Variants in PID1 observed in about 807,000 individuals in gnomAD.
PID1 encodes phosphotyrosine interaction domain containing 1.
Under a neutral mutation model 19.1 loss-of-function variants are expected in PID1, and 10 were observed. The observed-to-expected ratio is 0.52, with a 90% CI of 0.32 to 0.89. The LOEUF is 0.89. PID1 is among the 40% of genes least tolerant of loss of function. The pLI is 0.03. For missense variants in PID1, 248 were observed against 285.3 expected (o/e 0.87, Z 0.94); for synonymous variants, 130 against 116.0 (o/e 1.12, Z -0.78).
chr2:229,246,522 T>G (rs1001255991), intron 1 of PID1, among the ~76,000 whole-genome samples: 1 of 152,146 alleles, frequency 6.6e-6, no homozygotes, highest in Non-Finnish European at 1.5e-5. Context: ...CTATTCATGT[T>G]GAGCTGTGGG....
intron 2 of PID1, among the ~76,000 whole-genome samples, chr2:229,058,701 G>A (rs928878731): frequency 4.4e-5 from 6 of 135,454 alleles, no homozygotes; most frequent in African/African-American, 1.6e-4. Context: ...CATTCATTAT[G>A]TTAATTAAAT....
At chr2:229,060,811 T>C (rs1309934319) in intron 2 of PID1, among the ~76,000 whole-genome samples, 1 of 152,090 alleles carries the variant, frequency 6.6e-6, no homozygotes, top group Non-Finnish European at 1.5e-5. Context: ...AAAATAGCCA[T>C]TTTACCAGGT....
intron 2 of PID1, among the ~76,000 whole-genome samples, chr2:229,044,583 C>G (rs1223373674): frequency 1.3e-5 from 2 of 152,154 alleles, no homozygotes; most frequent in African/African-American, 4.8e-5. Flanking sequence ...GTTGGAAAGT[C>G]AAACTTGATT....
At chr2:229,144,039 C>A (rs183435353) in intron 2 of PID1, among the ~76,000 whole-genome samples, 363 of 152,206 alleles carry the variant, frequency 2.4e-3, no homozygotes, top group Non-Finnish European at 3.9e-3. Context: ...AACAAGGGAT[C>A]ATAGAAGTCA....
chr2:229,179,206 T>C (rs1401140121), intron 1 of PID1, among the ~76,000 whole-genome samples: 33 of 152,196 alleles, frequency 2.2e-4, no homozygotes, highest in Admixed American at 2.2e-3. Context: ...GCTGTGAAAG[T>C]CCTGGGTTTC....
chr2:229,177,603 T>G (rs1472286606), intron 1 of PID1, among the ~76,000 whole-genome samples: 2 of 152,204 alleles, frequency 1.3e-5, no homozygotes, highest in Non-Finnish European at 2.9e-5. Context: ...ATGAGTGACT[T>G]ATTTATTCAT....
chr2:229,151,447 T>C (rs1250191743), intron 2 of PID1, among the ~76,000 whole-genome samples: 1 of 152,204 alleles, frequency 6.6e-6, no homozygotes, highest in Non-Finnish European at 1.5e-5. Context: ...TGAGTTGCCA[T>C]GAGGATGAAA....
intron 2 of PID1, among the ~76,000 whole-genome samples, chr2:229,060,816 C>A (rs1036911031): frequency 1.3e-4 from 20 of 151,888 alleles, no homozygotes; most frequent in African/African-American, 4.8e-4. Context: ...AGCCATTTTA[C>A]CAGGTTATAT....
chr2:229,140,494 C>CACAT (rs1331123044), intron 2 of PID1, among the ~76,000 whole-genome samples: 1 of 152,020 alleles, frequency 6.6e-6, no homozygotes, highest in Non-Finnish European at 1.5e-5. Flanking sequence ...AGTGCACACA[C>CACAT]ACACACACAA....
At chr2:229,118,448 A>G (rs1353533537) in intron 2 of PID1, among the ~76,000 whole-genome samples, 1 of 152,194 alleles carries the variant, frequency 6.6e-6, no homozygotes, top group East Asian at 1.9e-4. Flanking sequence ...AGGAAAGAAA[A>G]CATCCTGGCT....
intron 2 of PID1, among the ~76,000 whole-genome samples, chr2:229,134,091 C>A (rs1314034505): frequency 6.6e-6 from 1 of 152,058 alleles, no homozygotes; most frequent in Non-Finnish European, 1.5e-5. Flanking sequence ...ATGTCCCCTG[C>A]GTGGGGACAA....
At chr2:229,151,523 T>C (rs1418618561) in intron 2 of PID1, among the ~76,000 whole-genome samples, 1 of 152,170 alleles carries the variant, frequency 6.6e-6, no homozygotes, top group Non-Finnish European at 1.5e-5. Context: ...TGTTCTTTAA[T>C]GTCAGTTCTG....
intron 1 of PID1, among the ~76,000 whole-genome samples, chr2:229,260,817 A>ATTTTTTTTTTTTT (rs66533277): frequency 1.7e-5 from 2 of 114,654 alleles, no homozygotes; most frequent in Non-Finnish European, 3.6e-5. Flanking sequence ...TCTGATTGCC[A>ATTTTTTTTTTTTT]TTTTTTTTTT....
rs981687070 is a variant in PID1 at position 229,054,729 on chromosome 2, G to C, written c.178-28621C>G. On this transcript the variant is annotated intron_variant, in intron 2 of 2. Coordinates refer to ENST00000392055, the MANE Select transcript of PID1 (RefSeq NM_001100818.2). Reference sequence around the variant, plus strand: ...GTGTGTGTGTGTGTGTGGGGGGGGGGGGGGGTCTGGTTTTACTCAATTTGT... The same window carrying C: ...GTGTGTGTGTGTGTGTGGGGGGGGGCGGGGGTCTGGTTTTACTCAATTTGT... Among the ~76,000 whole-genome samples the C allele has an allele frequency of 9.7e-5, 11 of 113,520 alleles. 4 individuals are homozygous for C. The highest frequency in any genetic ancestry group is 3.9e-4 in the South Asian group (1 of 2,542). The allele number at this position is 113,520 out of a possible 152,430, so 74.5% of individuals were successfully genotyped here. A position where few individuals can be genotyped will look rare whatever the true frequency, so the allele number is the denominator to read the frequency against.
At position 229,096,349 on chromosome 2, in the gene PID1, C is replaced by T. The variant is rs781223909; in HGVS notation, c.177+59469G>A. On this transcript the variant is annotated intron_variant, in intron 2 of 2. Coordinates refer to ENST00000392055, the MANE Select transcript of PID1 (RefSeq NM_001100818.2). ...TATGCCACTTTTTGGACAGTGCCAGCATTAGTCTAAGTAATTTGTTTTGGA... is the reference window on the plus strand; with the variant it reads ...TATGCCACTTTTTGGACAGTGCCAGTATTAGTCTAAGTAATTTGTTTTGGA... Among the ~76,000 whole-genome samples, 71 of 152,244 alleles carry T rather than the reference C, an allele frequency of 4.7e-4. 1 individual carries two copies. Among genetic ancestry groups the T allele is most frequent in the Non-Finnish European group, 2.5e-4 (17 of 67,996 alleles).
chr2:229,140,046 A>G (rs977432023), intron 2 of PID1, among the ~76,000 whole-genome samples: 7 of 152,294 alleles, frequency 4.6e-5, no homozygotes, highest in African/African-American at 1.4e-4. Context: ...AAAGCCAAGA[A>G]GCAGCCTCCA....
rs371685794 is a variant in PID1, at chr2:229,109,469, T to A, written c.177+46349A>T. Reference sequence around the variant, plus strand: ...TGGTGCGGAATCCCACATGGGCCAGTCCACAGGTACAAACTGCATGATTAC... The same window carrying A: ...TGGTGCGGAATCCCACATGGGCCAGACCACAGGTACAAACTGCATGATTAC... On this transcript the variant is annotated intron_variant, in intron 2 of 2. Coordinates refer to ENST00000392055, the MANE Select transcript of PID1 (RefSeq NM_001100818.2). Among the ~76,000 whole-genome samples, 3 of 152,166 alleles carry A rather than the reference T, an allele frequency of 2.0e-5. No individual in the cohort carries two copies. In the South Asian group the frequency reaches 6.2e-4, roughly 32 times the overall value.
At chr2:229,193,300 T>A (rs1304326788) in intron 1 of PID1, among the ~76,000 whole-genome samples, 1 of 152,200 alleles carries the variant, frequency 6.6e-6, no homozygotes, top group Non-Finnish European at 1.5e-5. Context: ...CCTTTTCCAG[T>A]GGTCTTGGGA....
chr2:229,160,215 G>T (rs62190424), intron 1 of PID1, among the ~76,000 whole-genome samples: 15,492 of 152,128 alleles, frequency 0.1, 1,032 homozygotes, highest in South Asian at 0.24. Flanking sequence ...TTCCGAGATG[G>T]TCTTCCCATC....
Sources: allele counts gnomAD v4.1 joint callset (sites outside exome capture counted in the v4.1 genomes callset), GRCh38; gene constraint gnomAD v4.1.1; transcripts MANE v1.5; gene names NCBI Gene and HGNC (gene_info 2026-07-23, HGNC 2026-07-21).